PHACTR2: variants seen among roughly 807,000 people sequenced by gnomAD.
The protein encoded by PHACTR2 is phosphatase and actin regulator 2.
Under a neutral mutation model 76.0 loss-of-function variants are expected in PHACTR2, and 30 were observed. That is an observed-to-expected ratio of 0.39 (90% CI 0.30 to 0.54). The LOEUF (loss-of-function observed/expected upper bound fraction) is 0.54, where lower values mean the gene tolerates loss of function less well. PHACTR2 is among the 20% of genes least tolerant of loss of function. The pLI, the probability that PHACTR2 is intolerant of heterozygous loss-of-function variation, is 0.61. For synonymous variants in PHACTR2, 292 were observed against 292.5 expected (o/e 1.00, Z 0.02); for missense variants, 696 against 781.1 (o/e 0.89, Z 1.30).
intron 1 of PHACTR2, among the ~76,000 whole-genome samples, chr6:143,665,207 T>C (rs779346050): frequency 6.6e-6 from 1 of 152,234 alleles, no homozygotes; most frequent in Non-Finnish European, 1.5e-5. Flanking sequence ...GGATATAGAA[T>C]TCTAAGTTGA....
In PHACTR2 at chr6:143,653,888, A is replaced by G. The variant is rs1445308542; in HGVS notation, c.13+45566A>G. On this transcript the variant is annotated intron_variant, in intron 1 of 11. Coordinates refer to the PHACTR2 transcript ENST00000305766. This position sits in a 1 kb window ranked among gnomAD's most constrained non-coding sequence, Gnocchi z 4.9. Reference sequence around the variant, plus strand: ...ATAATTTGGACATCATCAAACTAAAAATGTTGTGGCTCAAAGGACACCATC... The same window carrying G: ...ATAATTTGGACATCATCAAACTAAAGATGTTGTGGCTCAAAGGACACCATC... 6.6e-6 allele frequency among the ~76,000 whole-genome samples: 1 copy of G among 152,182 alleles called. No individual in the cohort carries two copies. The highest frequency in any genetic ancestry group is 1.5e-5 in the Non-Finnish European group (1 of 68,034).
In PHACTR2 at chr6:143,777,607, CAG is replaced by C. The variant is rs750925268; in HGVS notation, c.1645+227_1645+228del. Among the ~76,000 whole-genome samples, 17 of 152,046 alleles carry C rather than the reference CAG, an allele frequency of 1.1e-4. No homozygotes were observed. The highest frequency in any genetic ancestry group is 1.9e-4 in the Non-Finnish European group (13 of 68,030). On this transcript the variant is annotated intron_variant, in intron 9 of 12. Transcript: ENST00000440869. This position sits in a 1 kb window ranked among gnomAD's most constrained non-coding sequence, Gnocchi z 4.6. ...TTGAGCCTTATACCCGCCCCTAGAG[CAG>C]AGTCATGGTCATGACAATTGTGTTT...
intron 1 of PHACTR2, among the ~76,000 whole-genome samples, chr6:143,644,456 G>A (rs546355455): frequency 0.01 from 1,242 of 119,066 alleles, 35 homozygotes; most frequent in Admixed American, 0.076. Context: ...TGACAGAGTG[G>A]GACTCCATCT....
intron 5 of PHACTR2, among the ~76,000 whole-genome samples, chr6:143,763,451 A>G (rs1384370323): frequency 6.6e-6 from 1 of 152,246 alleles, no homozygotes; most frequent in Non-Finnish European, 1.5e-5. Context: ...AAATAATTGA[A>G]CATGGTTAGG....
intron 2 of PHACTR2, among the ~76,000 whole-genome samples, chr6:143,721,996 C>G (rs1455564381): frequency 1.3e-5 from 2 of 152,238 alleles, no homozygotes; most frequent in Middle Eastern, 3.4e-3. Context: ...TTCTACTTCA[C>G]CAACCACATT....
chr6:143,567,947 C>T (rs931097416), intron 1 of PHACTR2, among the ~76,000 whole-genome samples: 29 of 152,196 alleles, frequency 1.9e-4, no homozygotes, highest in African/African-American at 5.8e-4. Flanking sequence ...GCGATTCCCA[C>T]GACTCTGTCA....
chr6:143,584,569 A>G (rs1775605929), intron 1 of PHACTR2, among the ~76,000 whole-genome samples: 1 of 152,194 alleles, frequency 6.6e-6, no homozygotes, highest in South Asian at 2.1e-4. Context: ...AGCCTAGAAG[A>G]CCTCAGAAGG....
In PHACTR2 at chr6:143,753,488, T is replaced by C. The variant is rs1312932695; in HGVS notation, c.296-266T>C. ...AAACCTAAGCACATGAACGAGGGAC[T>C]CTGCTGCCCTGGGATATTGGATAAT... On this transcript the variant is annotated intron_variant, in intron 3 of 12. Coordinates refer to ENST00000440869, the MANE Select transcript of PHACTR2 (RefSeq NM_001100164.2). The surrounding 1 kb of genome is among the most constrained non-coding windows in gnomAD (Gnocchi z 4.6). Among the ~76,000 whole-genome samples, 5 of 152,204 alleles carry C rather than the reference T, an allele frequency of 3.3e-5. No individual in the cohort carries two copies. Among genetic ancestry groups the C allele is most frequent in the Non-Finnish European group, 5.9e-5 (4 of 68,016 alleles).
In PHACTR2 at chr6:143,751,399, C is replaced by T. The variant is rs1275237036; in HGVS notation, c.295+2334C>T. 6.6e-6 allele frequency among the ~76,000 whole-genome samples: 1 copy of T among 152,106 alleles called. No homozygotes were observed. The highest frequency in any genetic ancestry group is 1.5e-5 in the Non-Finnish European group (1 of 68,016). Reference sequence around the variant, plus strand: ...GTTTGCTGCTTACCTCTGCTTTTTTCCCTCCATCTTTTCCCTTAGCTTTTG... The same window carrying T: ...GTTTGCTGCTTACCTCTGCTTTTTTTCCTCCATCTTTTCCCTTAGCTTTTG... On this transcript the variant is annotated intron_variant, in intron 3 of 12. Coordinates refer to ENST00000440869, the MANE Select transcript of PHACTR2 (RefSeq NM_001100164.2). This position sits in a 1 kb window ranked among gnomAD's most constrained non-coding sequence, Gnocchi z 5.7.
chr6:143,688,704 C>T lies in PHACTR2; in HGVS notation c.46+10495C>T, dbSNP rs913119469. Among the ~76,000 whole-genome samples the T allele has an allele frequency of 6.6e-6, 1 of 152,160 alleles. No homozygotes were observed. Among genetic ancestry groups the T allele is most frequent in the African/African-American group, 2.4e-5 (1 of 41,442 alleles). On this transcript the variant is annotated intron_variant, in intron 1 of 12. Coordinates refer to ENST00000440869, the MANE Select transcript of PHACTR2 (RefSeq NM_001100164.2). This position sits in a 1 kb window ranked among gnomAD's most constrained non-coding sequence, Gnocchi z 5.2. Reference sequence around the variant, plus strand: ...TCTCTTCCCAAATATATCTCAAGTCCATGCTCTTCCGTCTGTCCCTACTGC... The same window carrying T: ...TCTCTTCCCAAATATATCTCAAGTCTATGCTCTTCCGTCTGTCCCTACTGC...
chr6:143,812,735 T>C (rs1776205527), intron 12 of PHACTR2, among the ~76,000 whole-genome samples: 1 of 152,234 alleles, frequency 6.6e-6, no homozygotes, highest in South Asian at 2.1e-4. Context: ...CTGCATTTTC[T>C]ACCCCTCAAC....
Position 143,791,446 on chromosome 6 carries a change from G to T in PHACTR2, c.1845+2536G>T, listed in dbSNP as rs11965282. Among the ~76,000 whole-genome samples, 39,612 of 152,022 alleles carry T rather than the reference G, an allele frequency of 0.26. 5,297 individuals are homozygous for T. The highest frequency in any genetic ancestry group is 0.33 in the Admixed American group (4,998 of 15,276). On this transcript the variant is annotated intron_variant, in intron 11 of 12. Coordinates refer to ENST00000440869, the MANE Select transcript of PHACTR2 (RefSeq NM_001100164.2). This position sits in a 1 kb window ranked among gnomAD's most constrained non-coding sequence, Gnocchi z 4.7. The stretch of plus-strand genomic sequence containing the variant: ...AGATCTTTAAGAATGTGGATGTCTG[G>T]GTCCCATCTCCAGAGATGCTGATCT...
rs779221783 is a variant in PHACTR2 at position 143,743,836 on chromosome 6, A to T, written c.215-5149A>T. Among the ~76,000 whole-genome samples, 6 of 152,214 alleles carry T rather than the reference A, an allele frequency of 3.9e-5. No individual in the cohort carries two copies. Among genetic ancestry groups the T allele is most frequent in the Non-Finnish European group, 7.3e-5 (5 of 68,028 alleles). The stretch of plus-strand genomic sequence containing the variant: ...TGTCCAGTCATTAAATGGTGTTAGA[A>T]TTGAGAATTAGGACTCTCTTTCCTC... On this transcript the variant is annotated intron_variant, in intron 2 of 12. Coordinates refer to ENST00000440869, the MANE Select transcript of PHACTR2 (RefSeq NM_001100164.2). This position sits in a 1 kb window ranked among gnomAD's most constrained non-coding sequence, Gnocchi z 5.0.
rs192493869 is a variant in PHACTR2, at chr6:143,546,970, G to A, written c.217+9763G>A. Reference sequence around the variant, plus strand: ...AAAGATTGCTTGAATCCAGCAGTTCGATGCTGCAGTGAGCTGTGATTGTGG... The same window carrying A: ...AAAGATTGCTTGAATCCAGCAGTTCAATGCTGCAGTGAGCTGTGATTGTGG... On this transcript the variant is annotated intron_variant, in intron 1 of 11. Transcript: ENST00000367584. The surrounding 1 kb of genome is among the most constrained non-coding windows in gnomAD (Gnocchi z 4.9). Among the ~76,000 whole-genome samples, 120 of 152,006 alleles carry A rather than the reference G, an allele frequency of 7.9e-4. 2 individuals are homozygous for A. Among genetic ancestry groups the A allele is most frequent in the Admixed American group, 7.3e-3 (111 of 15,256 alleles).
At position 143,679,928 on chromosome 6, in the gene PHACTR2, G is replaced by T. The variant is rs189142468; in HGVS notation, c.46+1719G>T. Among the ~76,000 whole-genome samples the T allele has an allele frequency of 1.3e-5, 2 of 152,214 alleles. No homozygotes were observed. Among genetic ancestry groups the T allele is most frequent in the East Asian group, 1.9e-4 (1 of 5,182 alleles). On this transcript the variant is annotated intron_variant, in intron 1 of 12. Coordinates refer to ENST00000440869, the MANE Select transcript of PHACTR2 (RefSeq NM_001100164.2). The surrounding 1 kb of genome is among the most constrained non-coding windows in gnomAD (Gnocchi z 4.6). ...GAACGGTGTTATACTTAAATTGCAG[G>T]TCCTCAGTTTTGCGGATTAAAAGTT...
chr6:143,751,860 C>T lies in PHACTR2; in HGVS notation c.296-1894C>T, dbSNP rs1779190088. Among the ~76,000 whole-genome samples, 1 of 150,916 alleles carries T rather than the reference C, an allele frequency of 6.6e-6. No individual in the cohort carries two copies. The highest frequency in any genetic ancestry group is 2.1e-4 in the South Asian group (1 of 4,780). On this transcript the variant is annotated intron_variant, in intron 3 of 12. Coordinates refer to ENST00000440869, the MANE Select transcript of PHACTR2 (RefSeq NM_001100164.2). This position sits in a 1 kb window ranked among gnomAD's most constrained non-coding sequence, Gnocchi z 5.7. ...GATTTAACTTATTTTAATTCTAAAA[C>T]AACTTCCTTAACACTCAATACTAGA... is the stretch of plus-strand genomic sequence containing the variant.
chr6:143,790,211 A>T (rs1775648975), intron 11 of PHACTR2, among the ~76,000 whole-genome samples: 1 of 152,194 alleles, frequency 6.6e-6, no homozygotes, highest in Non-Finnish European at 1.5e-5. Context: ...GTGAAGGTCA[A>T]TAAGCTTGGG....
intron 1 of PHACTR2, among the ~76,000 whole-genome samples, chr6:143,565,843 G>A (rs552518014): frequency 3.9e-5 from 6 of 152,186 alleles, no homozygotes; most frequent in South Asian, 4.2e-4. Context: ...AGGGTCTTGC[G>A]GGCTTTCACT....
chr6:143,631,278 C>T (rs1484415081), intron 1 of PHACTR2, among the ~76,000 whole-genome samples: 1 of 152,116 alleles, frequency 6.6e-6, no homozygotes, highest in Non-Finnish European at 1.5e-5. Context: ...GCAGCCTCAA[C>T]CTCCTGGGCT....
Sources: allele counts gnomAD v4.1 joint callset (sites outside exome capture counted in the v4.1 genomes callset), GRCh38; gene constraint gnomAD v4.1.1; non-coding constraint Gnocchi (gnomAD v3.1); transcripts MANE v1.5; gene names NCBI Gene and HGNC (gene_info 2026-07-23, HGNC 2026-07-21).